GXYLT2: variants seen among roughly 807,000 people sequenced by gnomAD.
GXYLT2 encodes the protein glucoside xylosyltransferase 2.
In GXYLT2, 53 loss-of-function variants were observed where a neutral mutation model predicts 45.8. The ratio of observed to expected loss-of-function variants is 1.16; its 90% confidence interval spans 0.93 to 1.46. GXYLT2 has a LOEUF of 1.46. GXYLT2 is among the 40% of genes most tolerant of loss of function. GXYLT2 has a pLI of 0.00. For missense variants in GXYLT2, 551 were observed against 544.4 expected, an observed-to-expected ratio of 1.01 and a Z score of -0.12; for synonymous variants, 219 against 214.2, an observed-to-expected ratio of 1.02 and a Z score of -0.19.
chr3:72,914,813 C>A (rs577363243), intron 2 of GXYLT2, among the ~76,000 whole-genome samples: 1 of 152,206 alleles, frequency 6.6e-6, no homozygotes, highest in African/African-American at 2.4e-5. Flanking sequence ...GGGCATGACC[C>A]CTGAGTCTGG....
intron 6 of GXYLT2, among the ~76,000 whole-genome samples, chr3:72,972,117 C>G (rs1400814494): frequency 2.6e-5 from 4 of 151,884 alleles, no homozygotes; most frequent in Non-Finnish European, 4.4e-5. Flanking sequence ...CTCTCTTTCT[C>G]TCTATTTCTC....
intron 3 of GXYLT2, among the ~76,000 whole-genome samples, chr3:72,945,462 G>C (rs1710386571): frequency 6.6e-6 from 1 of 152,172 alleles, no homozygotes; most frequent in Non-Finnish European, 1.5e-5. Context: ...CAGCCCTCAA[G>C]GGGTTTCTAT....
intron 3 of GXYLT2, among the ~76,000 whole-genome samples, chr3:72,938,190 A>G (rs774116712): frequency 6.6e-6 from 1 of 152,224 alleles, no homozygotes; most frequent in Non-Finnish European, 1.5e-5. Flanking sequence ...GCACTCTGTA[A>G]AACTCTTTTG....
At chr3:72,917,752 C>T (rs1709766551) in intron 2 of GXYLT2, among the ~76,000 whole-genome samples, 1 of 132,412 alleles carries the variant, frequency 7.6e-6, no homozygotes, top group African/African-American at 2.9e-5. Flanking sequence ...AGTGAGGCCC[C>T]ATCTCAAAAA....
intron 5 of GXYLT2, among the ~76,000 whole-genome samples, chr3:72,957,972 T>G: frequency 6.6e-6 from 1 of 152,066 alleles, no homozygotes. Flanking sequence ...AACTTTATTC[T>G]TATTAAAAAT....
At chr3:72,891,968 A>G (rs185038612) in intron 1 of GXYLT2, among the ~76,000 whole-genome samples, 25 of 152,296 alleles carry the variant, frequency 1.6e-4, no homozygotes, top group African/African-American at 6.0e-4. Flanking sequence ...TTTAGACATT[A>G]GAAGACTCTA....
At chr3:72,903,947 A>G (rs546734219) in intron 1 of GXYLT2, among the ~76,000 whole-genome samples, 2 of 152,292 alleles carry the variant, frequency 1.3e-5, no homozygotes, top group Admixed American at 1.3e-4. Context: ...ATGCACCTAG[A>G]TCCAGGTGGT....
At chr3:72,915,787 C>T (rs890539399) in intron 2 of GXYLT2, among the ~76,000 whole-genome samples, 1 of 151,402 alleles carries the variant, frequency 6.6e-6, no homozygotes, top group African/African-American at 2.4e-5. Context: ...GAGCCAAGAT[C>T]GCGCCACTGC....
intron 3 of GXYLT2, among the ~76,000 whole-genome samples, chr3:72,953,717 G>T (rs1238198072): frequency 6.6e-6 from 1 of 152,128 alleles, no homozygotes; most frequent in African/African-American, 2.4e-5. Flanking sequence ...CCCTTTAGAG[G>T]AAAAAGGTTG....
At chr3:72,959,878 ACCCTCCTTGG>A (rs1364637236) in intron 5 of GXYLT2, among the ~76,000 whole-genome samples, 2 of 150,676 alleles carry the variant, frequency 1.3e-5, no homozygotes, top group African/African-American at 4.9e-5. Flanking sequence ...CAGGTGATCC[ACCCTCCTTGG>A]CCTCCTAAAA....
In GXYLT2 at chr3:72,932,601, G is replaced by C. The variant is rs75562616; in HGVS notation, c.600+10266G>C. On this transcript the variant is annotated intron_variant, in intron 3 of 6. Transcript: ENST00000389617. ...ACAACATTTAAGCCACATGGATTGGGTTTTACCACAAGAGAGTGGCTCTTG... is the reference window on the plus strand; with the variant it reads ...ACAACATTTAAGCCACATGGATTGGCTTTTACCACAAGAGAGTGGCTCTTG... Among the ~76,000 whole-genome samples the C allele has an allele frequency of 6.3e-3, 957 of 152,296 alleles. 8 individuals are homozygous for C. Among genetic ancestry groups the C allele is most frequent in the African/African-American group, 0.022 (895 of 41,562 alleles).
chr3:72,945,723 T>C (rs1049957771), intron 3 of GXYLT2, among the ~76,000 whole-genome samples: 4 of 152,178 alleles, frequency 2.6e-5, no homozygotes, highest in African/African-American at 9.7e-5. Context: ...GCCTGGGAAG[T>C]TGCTTATCAT....
intron 1 of GXYLT2, among the ~76,000 whole-genome samples, chr3:72,890,204 G>A (rs1446628694): frequency 1.5e-5 from 2 of 132,080 alleles, no homozygotes; most frequent in Non-Finnish European, 3.4e-5. Flanking sequence ...GTGAGCCACC[G>A]CGCCGGGCCC....
intron 3 of GXYLT2, among the ~76,000 whole-genome samples, chr3:72,935,408 A>G (rs1710156960): frequency 6.6e-6 from 1 of 152,212 alleles, no homozygotes; most frequent in South Asian, 2.1e-4. Context: ...GGAGCTCTGG[A>G]AAGAAAAATC....
chr3:72,904,427 G>A (rs919356432), intron 1 of GXYLT2, among the ~76,000 whole-genome samples: 1 of 152,212 alleles, frequency 6.6e-6, no homozygotes, highest in Admixed American at 6.5e-5. Flanking sequence ...GTAATAGGGT[G>A]AGGCCAGCAA....
intron 6 of GXYLT2, among the ~76,000 whole-genome samples, chr3:72,970,069 G>A (rs1198015455): frequency 1.3e-5 from 2 of 151,810 alleles, no homozygotes; most frequent in Admixed American, 6.6e-5. Flanking sequence ...AAATAAAATC[G>A]GCCTGGTGTG....
In GXYLT2 at chr3:72,945,122, C is replaced by CAAA. The variant is rs35015597; in HGVS notation, c.601-9962_601-9960dup. Reference sequence around the variant, plus strand: ...TGAAACCCTGTCTCTACTAAAACTACAAAAAAAAAAAAAAAATCAGCCGGG... The same window carrying CAAA: ...TGAAACCCTGTCTCTACTAAAACTACAAAAAAAAAAAAAAAAAAATCAGCCGGG... On this transcript the variant is annotated intron_variant, in intron 3 of 6. Coordinates refer to ENST00000389617, the MANE Select transcript of GXYLT2 (RefSeq NM_001080393.2). Among the ~76,000 whole-genome samples, 27 of 136,506 alleles carry CAAA rather than the reference C, an allele frequency of 2.0e-4. No homozygotes were observed. The South Asian group carries it at 2.9e-3, about 14-fold the overall frequency. The allele number at this position is 136,506 out of a possible 152,430, so 89.6% of individuals were successfully genotyped here.
chr3:72,944,192 A>G (rs572169063), intron 3 of GXYLT2, among the ~76,000 whole-genome samples: 10 of 151,228 alleles, frequency 6.6e-5, no homozygotes, highest in East Asian at 3.9e-4. Flanking sequence ...GGTTCAAGCA[A>G]TCCTCCTGCC....
intron 5 of GXYLT2, among the ~76,000 whole-genome samples, chr3:72,958,116 C>CA (rs34270330): frequency 2.0e-5 from 3 of 151,156 alleles, no homozygotes; most frequent in Non-Finnish European, 3.0e-5. Flanking sequence ...ACTAAAAATA[C>CA]AAAAAAAATT....
Sources: allele counts gnomAD v4.1 joint callset (sites outside exome capture counted in the v4.1 genomes callset), GRCh38; gene constraint gnomAD v4.1.1; transcripts MANE v1.5; gene names NCBI Gene and HGNC (gene_info 2026-07-23, HGNC 2026-07-21).